Variants in RANBP2 observed in about 807,000 individuals in gnomAD.
RANBP2 encodes E3 SUMO-protein ligase RanBP2.
Under a neutral mutation model 303.6 loss-of-function variants are expected in RANBP2, and 57 were observed. The observed-to-expected ratio is 0.19, with a 90% CI of 0.15 to 0.23. RANBP2 has a LOEUF of 0.23. Ranked by LOEUF, RANBP2 falls within the 10% of genes least tolerant of loss-of-function variation. The pLI is 1.00. For missense variants in RANBP2, 3,138 were observed against 3,780.8 expected (o/e 0.83, Z 4.46); for synonymous variants, 1,167 against 1,301.5 (o/e 0.90, Z 2.23).
At chr2:109,452,684 G>C in the RANBP2 span, among the ~76,000 whole-genome samples, 3 of 152,248 alleles carry the variant, frequency 2.0e-5, no homozygotes, top group Non-Finnish European at 4.4e-5. Flanking sequence ...TGTGGTGTCA[G>C]TGGCTATGGT....
chr2:108,782,565 TAAAACTA>T lies in RANBP2; in HGVS notation c.9075_9081del (p.Thr3026LysfsTer2). The stretch of plus-strand genomic sequence containing the variant: ...AAGTAGAACAGCTTGCAGTGAGATT[TAAAACTA>T]AAGAAGTAGCTGATTGTTTCAAGAA... On this transcript the variant is annotated frameshift_variant, in exon 28 of 29. Coordinates refer to ENST00000283195, the MANE Select transcript of RANBP2 (RefSeq NM_006267.5). LOFTEE classifies it high-confidence loss of function. 1 of 1,614,212 alleles carries T rather than the reference TAAAACTA, an allele frequency of 6.2e-7. No homozygotes were observed. Among genetic ancestry groups the T allele is most frequent in the Non-Finnish European group, 8.5e-7 (1 of 1,180,034 alleles).
chr2:109,001,077 T>C, the RANBP2 span, among the ~76,000 whole-genome samples: 1 of 152,154 alleles, frequency 6.6e-6, no homozygotes, highest in Admixed American at 6.5e-5. Context: ...CTGATAACTT[T>C]CTCCTTATCA....
chr2:109,725,341 A>G, the RANBP2 span, among the ~76,000 whole-genome samples: 1 of 152,176 alleles, frequency 6.6e-6, no homozygotes, highest in African/African-American at 2.4e-5. Flanking sequence ...TGATGCCAGA[A>G]AGTGGAGGGG....
At chr2:108,997,894 A>AAGC in the RANBP2 span, among the ~76,000 whole-genome samples, 1 of 152,154 alleles carries the variant, frequency 6.6e-6, no homozygotes, top group Non-Finnish European at 1.5e-5. Flanking sequence ...CCGTCTCAAA[A>AAGC]AGCAACAACA....
chr2:108,941,989 T>C, the RANBP2 span, among the ~76,000 whole-genome samples: 2 of 152,216 alleles, frequency 1.3e-5, no homozygotes, highest in Non-Finnish European at 2.9e-5. Flanking sequence ...GGAAGGTGGC[T>C]GCCTTTCAGG....
At chr2:109,096,800 C>G in the RANBP2 span, among the ~76,000 whole-genome samples, 7 of 142,612 alleles carry the variant, frequency 4.9e-5, no homozygotes, top group Non-Finnish European at 1.1e-4. Flanking sequence ...TTTGGAAACG[C>G]TTTTTTTTTT....
chr2:108,804,014 A>AT, the RANBP2 span, among the ~76,000 whole-genome samples: 1 of 152,136 alleles, frequency 6.6e-6, no homozygotes, highest in African/African-American at 2.4e-5. Flanking sequence ...AGAATATTGG[A>AT]TTTTTTTCAC....
the RANBP2 span, among the ~76,000 whole-genome samples, chr2:108,964,933 A>G: frequency 6.6e-6 from 1 of 152,212 alleles, no homozygotes; most frequent in South Asian, 2.1e-4. Context: ...CATTCTAATT[A>G]AATCCTATAA....
chr2:109,399,513 T>C, the RANBP2 span, among the ~76,000 whole-genome samples: 1 of 152,104 alleles, frequency 6.6e-6, no homozygotes, highest in African/African-American at 2.4e-5. Context: ...CAGTGGCTCA[T>C]GCCTGTAATC....
chr2:109,422,590 C>G, the RANBP2 span, among the ~76,000 whole-genome samples: 99 of 129,204 alleles, frequency 7.7e-4, 1 homozygote, highest in South Asian at 0.023. Context: ...TCCTGCACCC[C>G]CTTTCCACCC....
chr2:109,724,947 T>C, the RANBP2 span, among the ~76,000 whole-genome samples: 1 of 152,042 alleles, frequency 6.6e-6, no homozygotes, highest in African/African-American at 2.4e-5. Context: ...GTGTTAGGCC[T>C]CCCCTTGGGG....
the RANBP2 span, among the ~76,000 whole-genome samples, chr2:109,559,497 T>C: frequency 7.2e-5 from 11 of 152,180 alleles, no homozygotes; most frequent in African/African-American, 2.7e-4. Context: ...TTTCCCCTTC[T>C]TTGTGTGATC....
chr2:109,334,493 A>G, the RANBP2 span, among the ~76,000 whole-genome samples: 1 of 152,190 alleles, frequency 6.6e-6, no homozygotes, highest in South Asian at 2.1e-4. Flanking sequence ...CCTCGCAATA[A>G]GGGCACAGAC....
chr2:109,299,891 ACTC>A, the RANBP2 span, among the ~76,000 whole-genome samples: 1 of 152,172 alleles, frequency 6.6e-6, no homozygotes, highest in Non-Finnish European at 1.5e-5. Flanking sequence ...AAAATTCAGA[ACTC>A]CTGAATGACA....
chr2:109,761,492 C>G, the RANBP2 span, among the ~76,000 whole-genome samples: 2 of 148,462 alleles, frequency 1.3e-5, no homozygotes, highest in African/African-American at 2.5e-5. Flanking sequence ...GCTCGCAGCC[C>G]GGGGGGCACT....
chr2:109,596,533 C>T, the RANBP2 span, among the ~76,000 whole-genome samples: 1 of 151,768 alleles, frequency 6.6e-6, no homozygotes, highest in Non-Finnish European at 1.5e-5. Context: ...AGGAGAATGG[C>T]GTGAACCCAG....
chr2:109,040,873 G>A, the RANBP2 span, among the ~76,000 whole-genome samples: 3 of 152,072 alleles, frequency 2.0e-5, no homozygotes, highest in Non-Finnish European at 4.4e-5. Flanking sequence ...AGCTAACACA[G>A]TGAAACCCCG....
the RANBP2 span, among the ~76,000 whole-genome samples, chr2:109,088,991 A>C: frequency 1.3e-5 from 2 of 152,226 alleles, no homozygotes; most frequent in Admixed American, 1.3e-4. Context: ...TTTAAGAAGC[A>C]GGTCTGCATA....
At chr2:108,895,194 G>C in the RANBP2 span, 1 of 152,618 alleles carries the variant, frequency 6.6e-6, no homozygotes, top group East Asian at 1.9e-4. Context: ...ACCTCATTAT[G>C]ATCCTCTCAC....
Sources: allele counts gnomAD v4.1 joint callset (sites outside exome capture counted in the v4.1 genomes callset), GRCh38; gene constraint gnomAD v4.1.1; transcripts MANE v1.5; gene names NCBI Gene and HGNC (gene_info 2026-07-23, HGNC 2026-07-21).